ROBO1: variants seen among roughly 807,000 people sequenced by gnomAD.
ROBO1 encodes roundabout homolog 1.
In ROBO1, 149 loss-of-function variants were observed where a neutral mutation model predicts 195.9. That is an observed-to-expected ratio of 0.76 (90% CI 0.67 to 0.87). The LOEUF is 0.87. Ranked by LOEUF, ROBO1 falls within the 40% of genes least tolerant of loss-of-function variation. The pLI is 0.00. For missense variants in ROBO1, 1,933 were observed against 2,068.3 expected (o/e 0.93, Z 1.27); for synonymous variants, 816 against 733.2 (o/e 1.11, Z -1.82).
chr3:79,455,137 A>G (rs1274786997), intron 2 of ROBO1, among the ~76,000 whole-genome samples: 1 of 151,970 alleles, frequency 6.6e-6, no homozygotes, highest in Non-Finnish European at 1.5e-5. Context: ...AAAAAAAAAA[A>G]GGCTAAAATA....
intron 2 of ROBO1, among the ~76,000 whole-genome samples, chr3:79,234,522 A>G (rs1201923013): frequency 1.3e-5 from 2 of 152,094 alleles, no homozygotes; most frequent in African/African-American, 4.8e-5. Flanking sequence ...ACATGTACTC[A>G]TATATTCACT....
chr3:78,818,042 C>G (rs1189557317), intron 4 of ROBO1, among the ~76,000 whole-genome samples: 2 of 152,208 alleles, frequency 1.3e-5, no homozygotes, highest in African/African-American at 4.8e-5. Flanking sequence ...ACTTGAACAG[C>G]TACCGTTTGC....
chr3:79,290,354 A>G (rs1178236057), intron 2 of ROBO1, among the ~76,000 whole-genome samples: 1 of 151,464 alleles, frequency 6.6e-6, no homozygotes, highest in Non-Finnish European at 1.5e-5. Context: ...ATATCTAACC[A>G]TTTGCCTCGT....
chr3:78,737,342 G>T (rs2082415692), intron 5 of ROBO1, among the ~76,000 whole-genome samples: 1 of 152,036 alleles, frequency 6.6e-6, no homozygotes, highest in Non-Finnish European at 1.5e-5. Context: ...AGTAGTTTTG[G>T]ATTTTCCTTT....
intron 10 of ROBO1, among the ~76,000 whole-genome samples, chr3:78,684,725 G>C (rs542709132): frequency 1.3e-5 from 2 of 152,084 alleles, no homozygotes; most frequent in Non-Finnish European, 1.5e-5. Context: ...CAGAGATAAA[G>C]AAAGATGAGG....
chr3:78,711,354 CCTTCCTTCCTTCCT>C (rs2081702762), intron 8 of ROBO1, among the ~76,000 whole-genome samples: 3 of 65,160 alleles, frequency 4.6e-5, no homozygotes, highest in African/African-American at 2.4e-4. Context: ...CTTCCTCCTT[CCTTCCTTCCTTCCT>C]TCCTTCCTTC....
chr3:79,725,179 C>T (rs1359439802), intron 1 of ROBO1, among the ~76,000 whole-genome samples: 2 of 150,958 alleles, frequency 1.3e-5, no homozygotes, highest in Admixed American at 1.3e-4. Context: ...TCTGGTTTCC[C>T]AATGCTATGT....
intron 2 of ROBO1, among the ~76,000 whole-genome samples, chr3:79,207,824 C>G (rs1398174734): frequency 6.7e-6 from 1 of 149,874 alleles, no homozygotes; most frequent in African/African-American, 2.5e-5. Flanking sequence ...CGGTTCATAT[C>G]TAATTTTGAG....
At chr3:79,746,304 A>G (rs1390823608) in intron 1 of ROBO1, among the ~76,000 whole-genome samples, 1 of 152,074 alleles carries the variant, frequency 6.6e-6, no homozygotes, top group African/African-American at 2.4e-5. Flanking sequence ...ATCTACATTA[A>G]TTTTTAGAAG....
intron 2 of ROBO1, among the ~76,000 whole-genome samples, chr3:79,207,174 G>A (rs1269262562): frequency 1.3e-5 from 2 of 152,142 alleles, no homozygotes; most frequent in Non-Finnish European, 2.9e-5. Flanking sequence ...CAGAGGGTGG[G>A]AGGTGGGGAA....
At chr3:79,125,574 C>T in intron 2 of ROBO1, 35 bp from the exon 3 acceptor site, 3 of 1,536,876 alleles carry the variant, frequency 2.0e-6, no homozygotes, top group Non-Finnish European at 2.7e-6. Context: ...CTGATGGGGT[C>T]ACAGTAGTAA....
chr3:79,728,553 A>G (rs929906383), intron 1 of ROBO1, among the ~76,000 whole-genome samples: 1 of 152,224 alleles, frequency 6.6e-6, no homozygotes, highest in African/African-American at 2.4e-5. Flanking sequence ...ACTATAATTT[A>G]AAAATAAATC....
intron 2 of ROBO1, among the ~76,000 whole-genome samples, chr3:79,401,828 T>C (rs1313634325): frequency 6.6e-6 from 1 of 151,960 alleles, no homozygotes; most frequent in South Asian, 2.1e-4. Context: ...AAAAATAAAA[T>C]GAACTCTTGG....
At chr3:78,675,520 G>A (rs1575903314) in intron 10 of ROBO1, among the ~76,000 whole-genome samples, 1 of 152,142 alleles carries the variant, frequency 6.6e-6, no homozygotes, top group Non-Finnish European at 1.5e-5. Context: ...ATTATATCCC[G>A]CACTTGGCTC....
At chr3:79,135,629 C>T (rs2080391726) in intron 2 of ROBO1, among the ~76,000 whole-genome samples, 1 of 151,626 alleles carries the variant, frequency 6.6e-6, no homozygotes, top group South Asian at 2.1e-4. Flanking sequence ...CATTAGCAAT[C>T]ATTCAATCTT....
At chr3:78,741,805 G>A in intron 5 of ROBO1, among the ~76,000 whole-genome samples, 1 of 151,996 alleles carries the variant, frequency 6.6e-6, no homozygotes, top group African/African-American at 2.4e-5. Flanking sequence ...TTTTATTTCT[G>A]ACTCTAAATA....
intron 4 of ROBO1, among the ~76,000 whole-genome samples, chr3:78,762,312 G>A (rs2083125623): frequency 6.6e-6 from 1 of 151,848 alleles, no homozygotes; most frequent in South Asian, 2.1e-4. Flanking sequence ...GTCATAAAAA[G>A]GATTTTTTAT....
intron 4 of ROBO1, among the ~76,000 whole-genome samples, chr3:78,766,574 T>G (rs577241470): frequency 6.6e-6 from 1 of 152,310 alleles, no homozygotes; most frequent in African/African-American, 2.4e-5. Flanking sequence ...CAGTGACAAT[T>G]TGACTTTCTC....
intron 2 of ROBO1, among the ~76,000 whole-genome samples, chr3:79,342,688 T>C (rs1161430441): frequency 2.6e-5 from 4 of 152,098 alleles, no homozygotes; most frequent in African/African-American, 9.7e-5. Context: ...AGTGATCATA[T>C]GGCAGTCAAC....
Sources: allele counts gnomAD v4.1 joint callset (sites outside exome capture counted in the v4.1 genomes callset), GRCh38; gene constraint gnomAD v4.1.1; transcripts MANE v1.5; gene names NCBI Gene and HGNC (gene_info 2026-07-23, HGNC 2026-07-21).